H1-8: variants seen among roughly 807,000 people sequenced by gnomAD.
H1-8 encodes the protein histone H1.8.
H1-8 carries 13 observed loss-of-function variants against 19.5 expected under a neutral mutation model. The observed-to-expected ratio is 0.67, with a 90% CI of 0.43 to 1.06. The LOEUF is 1.06. Ranked by LOEUF, H1-8 falls within the 50% of genes least tolerant of loss-of-function variation. The pLI, the probability that H1-8 is intolerant of heterozygous loss-of-function variation, is 0.00. For synonymous variants in H1-8, 193 were observed against 187.6 expected, an observed-to-expected ratio of 1.03 and a Z score of -0.24; for missense variants, 432 against 459.8, an observed-to-expected ratio of 0.94 and a Z score of 0.55.
chr3:129,546,511 T>C (rs988620644), intron 1 of H1-8, among the ~76,000 whole-genome samples: 3 of 152,260 alleles, frequency 2.0e-5, no homozygotes, highest in Non-Finnish European at 4.4e-5. Context: ...AAATATCTTT[T>C]ATAATATTTA....
intron 1 of H1-8, among the ~76,000 whole-genome samples, chr3:129,545,589 T>A (rs1191012448): frequency 1.3e-5 from 2 of 152,196 alleles, no homozygotes; most frequent in Non-Finnish European, 1.5e-5. Flanking sequence ...TAGCAGTCAC[T>A]CTCCACCCCC....
At chr3:129,547,734 T>A in intron 2 of H1-8, 54 bp downstream of exon 2, 1 of 1,436,854 alleles carries the variant, frequency 7.0e-7, no homozygotes, top group Non-Finnish European at 9.2e-7. Context: ...GGTCCTGGCC[T>A]CTGTGAGTGC....
chr3:129,550,648 A>G (rs1247750350), intron 3 of H1-8, 97 bp from the exon 4 acceptor site: 23 of 965,550 alleles, frequency 2.4e-5, no homozygotes, highest in Non-Finnish European at 3.2e-5. Flanking sequence ...AAGACCTAGG[A>G]CCCAGGAGGA....
chr3:129,546,454 T>A (rs2084889471), intron 1 of H1-8, among the ~76,000 whole-genome samples: 1 of 152,270 alleles, frequency 6.6e-6, no homozygotes, highest in African/African-American at 2.4e-5. Flanking sequence ...TTTCATCTGC[T>A]GGGTTATTTC....
intron 1 of H1-8, 26 bp downstream of exon 1, chr3:129,543,332 CT>C: frequency 6.5e-7 from 1 of 1,547,912 alleles, no homozygotes; most frequent in Non-Finnish European, 8.9e-7. Flanking sequence ...CAGCTCCTCC[CT>C]CATCCCTGCG....
chr3:129,548,633 C>T (rs1411229678), intron 2 of H1-8, among the ~76,000 whole-genome samples: 6 of 151,890 alleles, frequency 4.0e-5, no homozygotes, highest in East Asian at 1.9e-4. Flanking sequence ...TGGAGGAGGG[C>T]GGAGGAAGCT....
intron 2 of H1-8, 71 bp from the exon 3 acceptor site, chr3:129,548,930 G>A: frequency 6.6e-7 from 1 of 1,522,266 alleles, no homozygotes; most frequent in Non-Finnish European, 8.8e-7. Context: ...CCCATTCGGA[G>A]TCTTACGGGG....
intron 1 of H1-8, among the ~76,000 whole-genome samples, chr3:129,546,143 T>C (rs867523113): frequency 6.8e-6 from 1 of 147,964 alleles, no homozygotes; most frequent in South Asian, 2.1e-4. Context: ...ATAATAATAA[T>C]AATAATAATA....
chr3:129,549,071 G>C lies in H1-8; in HGVS notation c.449G>C (p.Gly150Ala), dbSNP rs1460112864. The stretch of plus-strand genomic sequence containing the variant: ...CCCGCGACGGCTCCCAGGAGAGCGG[G>C]TGAGGCCAAGGGGAAGGGCCCCAAG... ...MAPATAPRRA[G>A]EAKGKGPKKP... is the part of the protein sequence containing the mutation. The change falls in exon 3 of 5, where the codon GGT becomes GCT. Residue 150 changes from glycine (G) to alanine (A), a missense_variant. By Grantham distance (60) the Gly-to-Ala change is moderately conservative (BLOSUM62 0). Coordinates refer to ENST00000324382, the MANE Select transcript of H1-8 (RefSeq NM_153833.3). 5 of 1,612,288 alleles carry C rather than the reference G, an allele frequency of 3.1e-6. No homozygotes were observed. The highest frequency in any genetic ancestry group is 2.2e-5 in the East Asian group (1 of 44,822).
chr3:129,548,945 G>A (rs2084910795), intron 2 of H1-8, 56 bp from the exon 3 acceptor site: 2 of 1,536,364 alleles, frequency 1.3e-6, no homozygotes, highest in Admixed American at 4.2e-5. Context: ...ACGGGGGGTG[G>A]GGGGCGTGAG....
chr3:129,545,733 C>A (rs754772910), intron 1 of H1-8, among the ~76,000 whole-genome samples: 10 of 152,260 alleles, frequency 6.6e-5, no homozygotes, highest in African/African-American at 2.4e-4. Flanking sequence ...TGTTTCAGGG[C>A]TCCTCCATGT....
At position 129,543,289 on chromosome 3, in the gene H1-8, C is replaced by A. The variant is rs1210825681; in HGVS notation, c.71C>A (p.Pro24His). 2 of 1,613,294 alleles carry A rather than the reference C, an allele frequency of 1.2e-6. No individual in the cohort carries two copies. Among genetic ancestry groups the A allele is most frequent in the East Asian group, 2.2e-5 (1 of 44,826 alleles). ...STSTAGSSRS[P>H]ESEKPGPSHG... ...TCCACAGCAGGATCATCCAGGTCTC[C>A]TGAATCTGAAAAGCCAGGTGAGCAA... Residue 24 changes from proline (P) to histidine (H), a missense_variant, in exon 1 of 5, where the codon CCT (proline) becomes CAT (histidine). Transcript: ENST00000324382.
At chr3:129,546,265 AG>A (rs2084888243) in intron 1 of H1-8, among the ~76,000 whole-genome samples, 1 of 152,128 alleles carries the variant, frequency 6.6e-6, no homozygotes, top group African/African-American at 2.4e-5. Context: ...TCAAGGCTGC[AG>A]TGAGCCATGA....
chr3:129,543,427 A>T, intron 1 of H1-8, 121 bp downstream of exon 1: 2 of 706,030 alleles, frequency 2.8e-6, no homozygotes, highest in Non-Finnish European at 2.5e-6. Context: ...CCCAGCACCC[A>T]CCCAGCACTC....
intron 3 of H1-8, among the ~76,000 whole-genome samples, chr3:129,549,744 A>T (rs1204273572): frequency 6.6e-6 from 1 of 152,082 alleles, no homozygotes; most frequent in Non-Finnish European, 1.5e-5. Context: ...CCTTGAGGTC[A>T]GGAGTTTGAG....
chr3:129,549,158 G>A lies in H1-8; in HGVS notation c.536G>A (p.Arg179Lys). 2.6e-6 allele frequency: 4 copies of A among 1,566,390 alleles called. No homozygotes were observed. The highest frequency in any genetic ancestry group is 3.5e-6 in the Non-Finnish European group (4 of 1,154,754). Residue 179 changes from arginine (R) to lysine (K), a missense_variant, in exon 3 of 5, where the codon AGG (arginine) becomes AAG (lysine). By Grantham distance (26) the Arg-to-Lys change is conservative. Coordinates refer to ENST00000324382, the MANE Select transcript of H1-8 (RefSeq NM_153833.3). Reference protein sequence around the residue: ...NVGKVKKAAKRPAKVQKPPPK... With the variant: ...NVGKVKKAAKKPAKVQKPPPK... ...GGCAAGGTGAAAAAGGCAGCCAAGA[G>A]GCCAGCAAAGGTGCAGAAGCCTCCT...
At chr3:129,546,218 G>A (rs565725270) in intron 1 of H1-8, among the ~76,000 whole-genome samples, 40 of 151,958 alleles carry the variant, frequency 2.6e-4, no homozygotes, top group Admixed American at 7.2e-4. Context: ...CAGCTACTTC[G>A]GAGACTGAGG....
In H1-8 at chr3:129,547,510, C is replaced by T. The variant is rs575985355; in HGVS notation, c.208C>T (p.Arg70Trp). 6.8e-5 allele frequency: 106 copies of T among 1,569,848 alleles called. 1 individual carries two copies. The East Asian group carries it at 8.7e-4, about 13-fold the overall frequency. Residue 70 changes from arginine to tryptophan, a missense_variant, in exon 2 of 5, where the codon CGG becomes TGG. By Grantham distance (101) the Arg-to-Trp change is moderately radical. Transcript: ENST00000324382. ...GGCGCTGCAGGCTGGGGAGCAGCGC[C>T]GGGGCACGTCGGTGGCAGCTATCAA... ...LEALQAGEQRRGTSVAAIKLY... is the reference protein window; with the variant it reads ...LEALQAGEQRWGTSVAAIKLY...
At position 129,544,453 on chromosome 3, in the gene H1-8, C is replaced by T. The variant is rs530862693; in HGVS notation, c.88+1147C>T. ...GAGAGAAAAGCCTATGGGGAGGCCTCGAGTGGGTGTGGTGAGGAGGAAAGG... is the reference window on the plus strand; with the variant it reads ...GAGAGAAAAGCCTATGGGGAGGCCTTGAGTGGGTGTGGTGAGGAGGAAAGG... On this transcript the variant is annotated intron_variant, in intron 1 of 4. Transcript: ENST00000324382. Among the ~76,000 whole-genome samples the T allele has an allele frequency of 2.2e-4, 33 of 151,012 alleles. 1 individual carries two copies. Among genetic ancestry groups the T allele is most frequent in the Middle Eastern group, 3.4e-3 (1 of 294 alleles).
Sources: gnomAD v4.1 joint callset for allele counts (sites outside exome capture counted in the v4.1 genomes callset) on GRCh38, gnomAD v4.1.1 for gene constraint, MANE v1.5 for transcripts, NCBI Gene and HGNC (gene_info 2026-07-23, HGNC 2026-07-21) for gene names.